Variants in PCDHA7 observed in about 807,000 individuals in gnomAD.
The protein encoded by PCDHA7 is protocadherin alpha 7, also known as protocadherin alpha-7.
PCDHA7 carries 37 observed loss-of-function variants against 57.2 expected under a neutral mutation model. That is an observed-to-expected ratio of 0.65 (90% CI 0.50 to 0.85). PCDHA7 has a LOEUF of 0.85. Among genes scored for constraint, PCDHA7 ranks in the 40% least tolerant of loss-of-function variants. The pLI, the probability that PCDHA7 is intolerant of heterozygous loss-of-function variation, is 0.00. For synonymous variants in PCDHA7, 553 were observed against 558.8 expected, an observed-to-expected ratio of 0.99 and a Z score of 0.15; for missense variants, 1,188 against 1,241.8, an observed-to-expected ratio of 0.96 and a Z score of 0.65.
chr5:141,006,921 A>G (rs1229765479), intron 3 of PCDHA7, among the ~76,000 whole-genome samples: 1 of 152,176 alleles, frequency 6.6e-6, no homozygotes, highest in Non-Finnish European at 1.5e-5. Context: ...TGCCCATGAG[A>G]TTTCCAACTG....
At chr5:140,924,901 AAAAAT>A (rs10667761) in intron 1 of PCDHA7, among the ~76,000 whole-genome samples, 4,416 of 80,206 alleles carry the variant, frequency 0.055, 204 homozygotes, top group African/African-American at 0.16. Flanking sequence ...TCTCAAAAAA[AAAAAT>A]AAAATAAAAT....
At chr5:140,966,882 C>T (rs782464160) in intron 1 of PCDHA7, 1 of 1,589,690 alleles carries the variant, frequency 6.3e-7, no homozygotes, top group Admixed American at 1.7e-5. Flanking sequence ...CTACCTGGCC[C>T]TGCGGCCTCC....
Position 140,924,886 on chromosome 5 carries a change from A to C in PCDHA7, c.2356-54063A>C, listed in dbSNP as rs190850675. ...CTCCAGCCTGGGTGACAGAGCAAGAACCTGTCTCAAAAAAAAAAATAAAAT... is the reference window on the plus strand; with the variant it reads ...CTCCAGCCTGGGTGACAGAGCAAGACCCTGTCTCAAAAAAAAAAATAAAAT... On this transcript the variant is annotated intron_variant, in intron 1 of 3. Transcript: ENST00000525929. Among the ~76,000 whole-genome samples, 1,191 of 137,252 alleles carry C rather than the reference A, an allele frequency of 8.7e-3. 7 individuals carry two copies. Among genetic ancestry groups the C allele is most frequent in the African/African-American group, 0.022 (767 of 35,510 alleles). The allele number at this position is 137,252 out of a possible 152,430, so 90.0% of individuals were successfully genotyped here.
chr5:141,008,999 G>A (rs1389698923), intron 3 of PCDHA7, among the ~76,000 whole-genome samples: 1 of 152,200 alleles, frequency 6.6e-6, no homozygotes, highest in African/African-American at 2.4e-5. Context: ...ACTAAAAGGA[G>A]CATATTTTGC....
intron 1 of PCDHA7, chr5:140,853,353 C>T: frequency 1.0e-6 from 1 of 981,690 alleles, no homozygotes; most frequent in Non-Finnish European, 1.2e-6. Context: ...AACATGAACT[C>T]ACAGGGATCC....
chr5:140,967,334 A>T, intron 1 of PCDHA7: 1 of 1,608,228 alleles, frequency 6.2e-7, no homozygotes, highest in South Asian at 1.1e-5. Flanking sequence ...GCTCAGCCCC[A>T]GCGAGCACTT....
intron 1 of PCDHA7, chr5:140,967,272 T>A: frequency 1.2e-6 from 2 of 1,613,412 alleles, no homozygotes; most frequent in Non-Finnish European, 1.7e-6. Context: ...CGCTTTCACA[T>A]AGAGAGTGCG....
chr5:140,858,072 C>T, intron 1 of PCDHA7: 1 of 1,597,752 alleles, frequency 6.3e-7, no homozygotes, highest in Non-Finnish European at 8.6e-7. Context: ...AGCCAGGCAC[C>T]CAAGGCCTCG....
At chr5:140,845,671 T>C (rs1293125751) in intron 1 of PCDHA7, among the ~76,000 whole-genome samples, 5 of 149,692 alleles carry the variant, frequency 3.3e-5, no homozygotes, top group Non-Finnish European at 4.5e-5. Flanking sequence ...GTGTAGCCAT[T>C]GGTAAAGGAT....
At chr5:140,850,722 A>T (rs2150495731) in intron 1 of PCDHA7, 1 of 1,597,444 alleles carries the variant, frequency 6.3e-7, no homozygotes, top group Non-Finnish European at 8.6e-7. Flanking sequence ...GGTGTGTTCT[A>T]GCGCGGTGGG....
chr5:140,954,405 G>T (rs246023), intron 1 of PCDHA7, among the ~76,000 whole-genome samples: 85,299 of 151,648 alleles, frequency 0.56, 24,568 homozygotes, highest in African/African-American at 0.69. Context: ...CCACCAACAG[G>T]GTAAAGGTGT....
chr5:140,838,325 T>C (rs1554137025), intron 1 of PCDHA7, among the ~76,000 whole-genome samples: 1 of 149,366 alleles, frequency 6.7e-6, no homozygotes, highest in Non-Finnish European at 1.5e-5. Flanking sequence ...AGTTTCACCA[T>C]GTTGCCCCGG....
In PCDHA7 at chr5:140,849,449, C is replaced by T. The variant is rs200997092; in HGVS notation, c.2355+12711C>T. 81 of 1,586,124 alleles carry T rather than the reference C, an allele frequency of 5.1e-5. 9 individuals carry two copies. The highest frequency in any genetic ancestry group is 3.8e-4 in the Middle Eastern group (2 of 5,312). On this transcript the variant is annotated intron_variant, in intron 1 of 3. Coordinates refer to ENST00000525929, the MANE Select transcript of PCDHA7 (RefSeq NM_018910.3). ...TTGAAGAAAGTAGAGCACACAAGAT[C>T]CCAGTCGAGGCTGTCGATAAAGGCT...
chr5:140,877,994 G>A lies in PCDHA7; in HGVS notation c.2355+41256G>A, dbSNP rs1349448705. On this transcript the variant is annotated intron_variant, in intron 1 of 3. Coordinates refer to ENST00000525929, the MANE Select transcript of PCDHA7 (RefSeq NM_018910.3). Reference sequence around the variant, plus strand: ...ATTCTTACTCATTTTGAACTTTTATGTATTTGTCTAACATTAATGAAGGAA... The same window carrying A: ...ATTCTTACTCATTTTGAACTTTTATATATTTGTCTAACATTAATGAAGGAA... The A allele has an allele frequency of 8.3e-6, 9 of 1,078,340 alleles. No homozygotes were observed. The Admixed American group carries it at 1.0e-4, about 12-fold the overall frequency. 66.8% of individuals were successfully genotyped at this position (1,078,340 alleles called of 1,614,324 possible). A position where few individuals can be genotyped will look rare whatever the true frequency, so the allele number is the denominator to read the frequency against.
At chr5:140,878,575 C>T (rs1339417321) in intron 1 of PCDHA7, among the ~76,000 whole-genome samples, 1 of 152,222 alleles carries the variant, frequency 6.6e-6, no homozygotes, top group African/African-American at 2.4e-5. Context: ...TAGTATACCA[C>T]TGCCCTGTGC....
intron 1 of PCDHA7, chr5:140,853,279 A>T: frequency 1.0e-6 from 1 of 979,476 alleles, no homozygotes; most frequent in African/African-American, 1.8e-5. Flanking sequence ...CTCTCATCAT[A>T]TGCAAATTCT....
chr5:141,007,915 A>G (rs561873534), intron 3 of PCDHA7, among the ~76,000 whole-genome samples: 5 of 152,308 alleles, frequency 3.3e-5, no homozygotes, highest in South Asian at 2.1e-4. Flanking sequence ...TGAAGATGCT[A>G]TATAAGCTGG....
intron 1 of PCDHA7, chr5:140,966,941 G>C (rs1554228938): frequency 1.9e-6 from 3 of 1,604,498 alleles, no homozygotes; most frequent in Non-Finnish European, 2.5e-6. Context: ...CGCGCTCGTG[G>C]GCAACGTGGC....
chr5:140,872,165 C>CTT (rs781807025), intron 1 of PCDHA7, among the ~76,000 whole-genome samples: 18 of 144,352 alleles, frequency 1.2e-4, no homozygotes, highest in Non-Finnish European at 2.0e-4. Context: ...ATTTACTTTT[C>CTT]TTTTTTTTTT....
Sources: allele counts gnomAD v4.1 joint callset (sites outside exome capture counted in the v4.1 genomes callset), GRCh38; gene constraint gnomAD v4.1.1; transcripts MANE v1.5; gene names NCBI Gene and HGNC (gene_info 2026-07-23, HGNC 2026-07-21).